ARHGAP6: variants seen among roughly 807,000 people sequenced by gnomAD.
ARHGAP6 encodes the protein Rho GTPase activating protein 6.
A neutral mutation model predicts 55.7 loss-of-function variants in ARHGAP6; 16 were observed. That is an observed-to-expected ratio of 0.29 (90% CI 0.19 to 0.44). ARHGAP6 has a LOEUF of 0.44. ARHGAP6 is among the 20% of genes least tolerant of loss of function. The pLI, the probability that ARHGAP6 is intolerant of heterozygous loss-of-function variation, is 1.00. For missense variants in ARHGAP6, 698 were observed against 808.9 expected, an observed-to-expected ratio of 0.86 and a Z score of 1.66; for synonymous variants, 382 against 360.9, an observed-to-expected ratio of 1.06 and a Z score of -0.66.
chrX:11,382,923 C>T lies in ARHGAP6; in HGVS notation c.589-128216G>A, dbSNP rs139358130. 8.8e-3 allele frequency among the ~76,000 whole-genome samples: 992 copies of T among 112,281 alleles called. 6 individuals carry two copies. Among genetic ancestry groups the T allele is most frequent in the Non-Finnish European group, 9.8e-3 (522 of 53,199 alleles). On this transcript the variant is annotated intron_variant, in intron 1 of 12. Transcript: ENST00000337414. ...CTTGGCTTTGTCTGTTAGAAATTTA[C>T]CTCAATGGAGAAGTGGATGTGGCAT...
chrX:11,401,833 T>C (rs942926184), intron 1 of ARHGAP6, among the ~76,000 whole-genome samples: 1 of 112,774 alleles, frequency 8.9e-6, no homozygotes, highest in African/African-American at 3.2e-5. Flanking sequence ...TATGATTGTA[T>C]ATATTTCCTG....
At chrX:11,623,563 G>A (rs954276593) in intron 1 of ARHGAP6, among the ~76,000 whole-genome samples, 3 of 108,650 alleles carry the variant, frequency 2.8e-5, no homozygotes, top group South Asian at 4.1e-4. Context: ...CGGGCATGGC[G>A]GCGGGCACCT....
intron 1 of ARHGAP6, among the ~76,000 whole-genome samples, chrX:11,580,078 A>G (rs1216634314): frequency 9.0e-6 from 1 of 111,633 alleles, no homozygotes; most frequent in Non-Finnish European, 1.9e-5. Flanking sequence ...AAGGCCAGAA[A>G]ATCCCCTTGA....
chrX:11,569,578 G>A (rs1208147272), intron 1 of ARHGAP6, among the ~76,000 whole-genome samples: 1 of 111,678 alleles, frequency 9.0e-6, no homozygotes, highest in African/African-American at 3.3e-5. Context: ...GAACATTATT[G>A]GACCACTGCG....
chrX:11,386,634 T>C (rs1053927062), intron 1 of ARHGAP6, among the ~76,000 whole-genome samples: 2 of 111,911 alleles, frequency 1.8e-5, no homozygotes, highest in African/African-American at 6.5e-5. Context: ...CATTTTTAAA[T>C]AAGACACAAA....
chrX:11,574,615 T>C (rs1380252002), intron 1 of ARHGAP6, among the ~76,000 whole-genome samples: 7 of 110,264 alleles, frequency 6.3e-5, no homozygotes, highest in Non-Finnish European at 1.9e-5. Context: ...CCACAGCCAA[T>C]ATCATACTGA....
intron 1 of ARHGAP6, among the ~76,000 whole-genome samples, chrX:11,370,421 T>G (rs2049130655): frequency 8.9e-6 from 1 of 112,300 alleles, no homozygotes; most frequent in Non-Finnish European, 1.9e-5. Context: ...GTTATTCTCT[T>G]CCTCATCTTC....
chrX:11,188,722 C>T lies in ARHGAP6; in HGVS notation c.1077+6G>A. 8.3e-7 allele frequency: 1 copy of T among 1,207,329 alleles called. No individual in the cohort carries two copies. The highest frequency in any genetic ancestry group is 3.0e-5 in the East Asian group (1 of 33,813). ...CTGGTGTCAGAGCAAATACTGGCCA[C>T]CTCACCCTCCTCCTAGCCCGAGGAG... On this transcript the variant is annotated splice_donor_region_variant and intron_variant, in intron 4 of 12. Transcript: ENST00000337414.
intron 2 of ARHGAP6, among the ~76,000 whole-genome samples, chrX:11,246,013 A>G (rs1369518480): frequency 8.9e-6 from 1 of 111,859 alleles, no homozygotes; most frequent in Non-Finnish European, 1.9e-5. Context: ...TTTTCCAACA[A>G]AGGAGTAGCC....
intron 1 of ARHGAP6, among the ~76,000 whole-genome samples, chrX:11,299,941 C>T (rs903998363): frequency 1.8e-5 from 2 of 111,480 alleles, no homozygotes; most frequent in Non-Finnish European, 3.8e-5. Flanking sequence ...AGTCTCTGTC[C>T]AATTATAAAT....
At chrX:11,233,326 C>T (rs918944309) in intron 2 of ARHGAP6, among the ~76,000 whole-genome samples, 2 of 112,077 alleles carry the variant, frequency 1.8e-5, no homozygotes, top group Non-Finnish European at 1.9e-5. Flanking sequence ...AGTACTCACA[C>T]AACAATTGCA....
At position 11,139,170 on chromosome X, in the gene ARHGAP6, C is replaced by T. The variant is rs773070158; in HGVS notation, c.2618G>A (p.Ser873Asn). 3 of 1,205,212 alleles carry T rather than the reference C, an allele frequency of 2.5e-6. No homozygotes were observed. The highest frequency in any genetic ancestry group is 2.2e-6 in the Non-Finnish European group (2 of 893,574). ...ATPQCQRPHG[S>N]GRDDKRPPPP... is the part of the protein sequence containing the mutation. ...CGGGGGCCGCTTGTCATCCCTCCCA[C>T]TCCCATGGGGTCTTTGGCACTGAGG... is the stretch of plus-strand genomic sequence containing the variant. The change falls in exon 13 of 13, where the codon AGT becomes AAT. Residue 873 changes from serine to asparagine, a missense_variant. Physicochemically the swap from Ser to Asn is conservative, Grantham distance 46. This residue lies in a region of ARHGAP6 where 212 missense variants were observed against 208.7 expected (regional missense o/e 1.02). Coordinates refer to ENST00000337414, the MANE Select transcript of ARHGAP6 (RefSeq NM_013427.3).
chrX:11,556,003 C>T, intron 1 of ARHGAP6, among the ~76,000 whole-genome samples: 1 of 111,101 alleles, frequency 9.0e-6, no homozygotes, highest in Non-Finnish European at 1.9e-5. Flanking sequence ...GGATGGCATG[C>T]TCTGTGTCAG....
intron 1 of ARHGAP6, among the ~76,000 whole-genome samples, chrX:11,609,479 C>T (rs915184444): frequency 9.0e-6 from 1 of 111,407 alleles, no homozygotes; most frequent in South Asian, 3.8e-4. Context: ...GCATTAACCC[C>T]GCTTGACATT....
At chrX:11,285,702 A>G (rs12834969) in intron 1 of ARHGAP6, among the ~76,000 whole-genome samples, 4,737 of 112,271 alleles carry the variant, frequency 0.042, 105 homozygotes, top group Non-Finnish European at 0.062. Flanking sequence ...GATCCTAAGA[A>G]CTAGAAAGGA....
chrX:11,552,468 A>G (rs1300612543), intron 1 of ARHGAP6, among the ~76,000 whole-genome samples: 3 of 99,260 alleles, frequency 3.0e-5, no homozygotes, highest in African/African-American at 1.1e-4. Context: ...CTGCACTCCC[A>G]TGTTCACTGT....
intron 1 of ARHGAP6, among the ~76,000 whole-genome samples, chrX:11,565,762 C>G (rs1405389775): frequency 8.9e-6 from 1 of 112,129 alleles, no homozygotes; most frequent in Non-Finnish European, 1.9e-5. Flanking sequence ...TTATGTTTTC[C>G]CAACTGAATC....
At chrX:11,662,857 G>A (rs4830742) in intron 1 of ARHGAP6, among the ~76,000 whole-genome samples, 10,337 of 111,651 alleles carry the variant, frequency 0.093, 470 homozygotes, top group East Asian at 0.21. Flanking sequence ...GTGTGCTTCT[G>A]AAATACAATG....
chrX:11,612,811 T>C (rs766199664), intron 1 of ARHGAP6, among the ~76,000 whole-genome samples: 1 of 112,572 alleles, frequency 8.9e-6, no homozygotes, highest in East Asian at 2.8e-4. Context: ...TCAGTGTTCT[T>C]CAGTGTTCTT....
Sources: gnomAD v4.1 joint callset for allele counts (sites outside exome capture counted in the v4.1 genomes callset) on GRCh38, gnomAD v4.1.1 for gene constraint, gnomAD v4.1.1 regional missense constraint, MANE v1.5 for transcripts, NCBI Gene and HGNC (gene_info 2026-07-23, HGNC 2026-07-21) for gene names.